EMP2: variants seen among roughly 807,000 people sequenced by gnomAD.
EMP2 encodes the protein epithelial membrane protein 2.
Under a neutral mutation model 13.7 loss-of-function variants are expected in EMP2, and 19 were observed. That is an observed-to-expected ratio of 1.38 (90% CI 0.97 to 2.03). The LOEUF (loss-of-function observed/expected upper bound fraction) is 2.03, where lower values mean the gene tolerates loss of function less well. EMP2 is among the 30% of genes most tolerant of loss of function. The pLI, the probability that EMP2 is intolerant of heterozygous loss-of-function variation, is 0.00. For synonymous variants in EMP2, 97 were observed against 84.7 expected (o/e 1.15, Z -0.80); for missense variants, 253 against 220.7 (o/e 1.15, Z -0.93).
chr16:10,557,473 T>A (rs1218362755), intron 1 of EMP2, among the ~76,000 whole-genome samples: 1 of 152,224 alleles, frequency 6.6e-6, no homozygotes, highest in Non-Finnish European at 1.5e-5. Context: ...GCTTGCTGTC[T>A]TTTTTGATCT....
chr16:10,554,413 G>T (rs1245345848), intron 1 of EMP2, among the ~76,000 whole-genome samples: 1 of 152,086 alleles, frequency 6.6e-6, no homozygotes, highest in African/African-American at 2.4e-5. Flanking sequence ...GACATAAGTT[G>T]CCCCCAAGAA....
intron 1 of EMP2, among the ~76,000 whole-genome samples, chr16:10,561,651 T>C (rs930821861): frequency 3.9e-5 from 6 of 152,296 alleles, no homozygotes; most frequent in African/African-American, 1.2e-4. Flanking sequence ...TCCTGCAGCA[T>C]CTCTCAGGGC....
At chr16:10,570,384 C>G (rs12925200) in intron 1 of EMP2, among the ~76,000 whole-genome samples, 45,929 of 151,842 alleles carry the variant, frequency 0.3, 7,965 homozygotes, top group Non-Finnish European at 0.4. Context: ...CACCACCACA[C>G]CCAGCTAATG....
At position 10,530,472 on chromosome 16, in the gene EMP2, T is replaced by A. The variant is rs1195948609; in HGVS notation, c.*2433A>T. On this transcript the variant is annotated 3_prime_UTR_variant, in exon 5 of 5. Coordinates refer to ENST00000359543, the MANE Select transcript of EMP2 (RefSeq NM_001424.6). ...CAGCAGAAGGTCAAGTGCAAAAGTATTTAAATAGCACGAGGTCCCACACCC... is the reference window on the plus strand; with the variant it reads ...CAGCAGAAGGTCAAGTGCAAAAGTAATTAAATAGCACGAGGTCCCACACCC... The A allele has an allele frequency of 6.6e-6, 1 of 152,540 alleles. No individual in the cohort carries two copies. Among genetic ancestry groups the A allele is most frequent in the Non-Finnish European group, 1.5e-5 (1 of 68,048 alleles). The allele number at this position is 152,540 out of a possible 1,614,324, so 9.4% of individuals were successfully genotyped here. A position where few individuals can be genotyped will look rare whatever the true frequency, so the allele number is the denominator to read the frequency against.
chr16:10,542,291 G>A (rs1418430022), intron 3 of EMP2, among the ~76,000 whole-genome samples: 2 of 152,066 alleles, frequency 1.3e-5, no homozygotes, highest in Non-Finnish European at 2.9e-5. Flanking sequence ...CCAGCTACTT[G>A]AGAGGCTGAG....
chr16:10,563,911 A>C (rs891354873), intron 1 of EMP2, among the ~76,000 whole-genome samples: 4 of 152,204 alleles, frequency 2.6e-5, no homozygotes, highest in South Asian at 4.1e-4. Flanking sequence ...CGAGCCCCCA[A>C]ATTGGGGCTT....
Position 10,543,678 on chromosome 16 carries a change from A to G in EMP2, c.79-18T>C, listed in dbSNP as rs764327064. 6.2e-7 allele frequency: 1 copy of G among 1,613,216 alleles called. No individual in the cohort carries two copies. Among genetic ancestry groups the G allele is most frequent in the Admixed American group, 1.7e-5 (1 of 60,022 alleles). Reference sequence around the variant, plus strand: ...CACCAGGCCTGTAACACAAAATGGAAATAGAGAGAAAGGCCGTCCGTTCAT... The same window carrying G: ...CACCAGGCCTGTAACACAAAATGGAGATAGAGAGAAAGGCCGTCCGTTCAT... On this transcript the variant is annotated intron_variant, in intron 2 of 4. Transcript: ENST00000359543.
rs1462463459 is a variant in EMP2 at position 10,567,306 on chromosome 16, C to A, written c.-61+13243G>T. Among the ~76,000 whole-genome samples the A allele has an allele frequency of 3.3e-5, 5 of 152,280 alleles. No homozygotes were observed. The East Asian group carries it at 9.6e-4, about 29-fold the overall frequency. ...GGATGCTGTTTTCAAGAGTGTTTTC[C>A]TCCCCACTCCAGGTCTCGCCAAGAA... On this transcript the variant is annotated intron_variant, in intron 1 of 4. Coordinates refer to ENST00000359543, the MANE Select transcript of EMP2 (RefSeq NM_001424.6).
chr16:10,549,942 G>A (rs1169028438), intron 1 of EMP2, among the ~76,000 whole-genome samples: 1 of 133,518 alleles, frequency 7.5e-6, no homozygotes, highest in Non-Finnish European at 1.5e-5. Context: ...CTGGAGTACA[G>A]TGGTGCGATC....
intron 3 of EMP2, among the ~76,000 whole-genome samples, chr16:10,538,883 G>A (rs760661268): frequency 1.3e-5 from 2 of 152,102 alleles, no homozygotes; most frequent in African/African-American, 4.8e-5. Flanking sequence ...TGGCACAACC[G>A]TAGCTCACTG....
At chr16:10,539,262 TTTCC>T (rs1376677582) in intron 3 of EMP2, among the ~76,000 whole-genome samples, 1 of 152,240 alleles carries the variant, frequency 6.6e-6, no homozygotes, top group East Asian at 1.9e-4. Context: ...CTGTCTTTTT[TTTCC>T]TTCAATTTTG....
intron 1 of EMP2, among the ~76,000 whole-genome samples, chr16:10,571,853 T>A (rs1241994502): frequency 2.0e-5 from 3 of 152,272 alleles, no homozygotes; most frequent in Admixed American, 1.3e-4. Flanking sequence ...AAGCCAGTGA[T>A]GGGCGGTAGT....
At chr16:10,556,059 T>C (rs952505007) in intron 1 of EMP2, among the ~76,000 whole-genome samples, 1 of 152,172 alleles carries the variant, frequency 6.6e-6, no homozygotes, top group Non-Finnish European at 1.5e-5. Flanking sequence ...CCTTCCATCA[T>C]CTCAATACAG....
intron 1 of EMP2, among the ~76,000 whole-genome samples, chr16:10,566,773 C>T (rs555785751): frequency 1.1e-4 from 17 of 152,266 alleles, no homozygotes; most frequent in African/African-American, 4.1e-4. Flanking sequence ...GCTGAGTACA[C>T]AGAGCATGCG....
chr16:10,533,985 G>A (rs1409840356), intron 4 of EMP2, among the ~76,000 whole-genome samples: 2 of 151,944 alleles, frequency 1.3e-5, no homozygotes, highest in Non-Finnish European at 2.9e-5. Flanking sequence ...TGTGGTGGTA[G>A]GTGCCTGTAA....
chr16:10,567,095 T>C (rs771633376), intron 1 of EMP2, among the ~76,000 whole-genome samples: 1 of 151,876 alleles, frequency 6.6e-6, no homozygotes, highest in Non-Finnish European at 1.5e-5. Context: ...CCTTCAGCTC[T>C]TGAAGCACTA....
chr16:10,559,477 C>G (rs1158152665), intron 1 of EMP2, among the ~76,000 whole-genome samples: 1 of 152,218 alleles, frequency 6.6e-6, no homozygotes, highest in African/African-American at 2.4e-5. Context: ...TGCCCCAGGG[C>G]AGAAGCCACT....
At chr16:10,543,470 G>A in intron 3 of EMP2, 100 bp downstream of exon 3, 1 of 1,341,016 alleles carries the variant, frequency 7.5e-7, no homozygotes, top group Non-Finnish European at 1.1e-6. Context: ...TATGCAGTGA[G>A]TGGAGGAGAG....
intron 1 of EMP2, chr16:10,558,911 C>G (rs1213396211): frequency 6.6e-6 from 1 of 152,304 alleles, no homozygotes; most frequent in African/African-American, 2.4e-5. Context: ...AAACCACAGC[C>G]GATTCCCAGT....
Sources: allele counts gnomAD v4.1 joint callset (sites outside exome capture counted in the v4.1 genomes callset), GRCh38; gene constraint gnomAD v4.1.1; transcripts MANE v1.5; gene names NCBI Gene and HGNC (gene_info 2026-07-23, HGNC 2026-07-21).